The following KIAA0513 variants were observed in gnomAD, a reference collection of about 807,000 sequenced individuals.
The protein encoded by KIAA0513 is uncharacterized protein KIAA0513.
In KIAA0513, 39 loss-of-function variants were observed where a neutral mutation model predicts 56.5. That is an observed-to-expected ratio of 0.69 (90% CI 0.53 to 0.90). KIAA0513 has a LOEUF of 0.90. Ranked by LOEUF, KIAA0513 falls within the 40% of genes least tolerant of loss-of-function variation. KIAA0513 has a pLI of 0.00. For synonymous variants in KIAA0513, 268 were observed against 215.6 expected (o/e 1.24, Z -2.13); for missense variants, 591 against 535.2 (o/e 1.10, Z -1.03).
chr16:85,040,417 C>A (rs530719101), intron 1 of KIAA0513, among the ~76,000 whole-genome samples: 3 of 152,166 alleles, frequency 2.0e-5, no homozygotes, highest in Non-Finnish European at 4.4e-5. Context: ...GTAATCCCAA[C>A]TACTCGGGAG....
rs565832233 is a variant in KIAA0513 at position 85,039,418 on chromosome 16, T to C, written c.-173+11560T>C. Among the ~76,000 whole-genome samples the C allele has an allele frequency of 1.8e-3, 281 of 152,312 alleles. 2 individuals are homozygous for C. The highest frequency in any genetic ancestry group is 6.4e-3 in the African/African-American group (265 of 41,578). Reference sequence around the variant, plus strand: ...CCTGGGATGAAGTGATCCTCCTGCATCAACCTCCTGAGTAACTGGGACCAT... The same window carrying C: ...CCTGGGATGAAGTGATCCTCCTGCACCAACCTCCTGAGTAACTGGGACCAT... On this transcript the variant is annotated intron_variant, in intron 1 of 12. Transcript: ENST00000683363.
intron 1 of KIAA0513, among the ~76,000 whole-genome samples, chr16:85,033,447 G>A (rs1198084957): frequency 5.3e-5 from 8 of 152,198 alleles, no homozygotes; most frequent in Admixed American, 2.6e-4. Flanking sequence ...GCTCATCGGC[G>A]TCCAGCAGTG....
At chr16:85,075,710 A>T (rs1175854210) in intron 4 of KIAA0513, 134 bp from the exon 5 acceptor site, 6 of 722,404 alleles carry the variant, frequency 8.3e-6, no homozygotes, top group Non-Finnish European at 1.5e-5. Flanking sequence ...ACTTGGGGAG[A>T]TTGTTTTGTG....
chr16:85,079,143 G>A, intron 8 of KIAA0513, 140 bp downstream of exon 8: 1 of 1,496,358 alleles, frequency 6.7e-7, no homozygotes, highest in Non-Finnish European at 8.9e-7. Flanking sequence ...ATAAAAAGAT[G>A]AACACTCACA....
rs2073852973 is a variant in KIAA0513, at chr16:85,090,085, C to T, written c.*1760C>T. ...GGGGAGTTGTGCAGGCTGGGGTGACCCTTCCCCCATCATTGGGCCCCAACG... is the reference window on the plus strand; with the variant it reads ...GGGGAGTTGTGCAGGCTGGGGTGACTCTTCCCCCATCATTGGGCCCCAACG... On this transcript the variant is annotated 3_prime_UTR_variant, in exon 13 of 13. Transcript: ENST00000683363. 1 of 151,966 alleles carries T rather than the reference C, an allele frequency of 6.6e-6. No individual in the cohort carries two copies. The highest frequency in any genetic ancestry group is 6.6e-5 in the Admixed American group (1 of 15,262). 9.4% of individuals were successfully genotyped at this position (151,966 alleles called of 1,614,324 possible).
At chr16:85,032,524 G>T (rs1310590957) in intron 1 of KIAA0513, among the ~76,000 whole-genome samples, 8 of 152,090 alleles carry the variant, frequency 5.3e-5, no homozygotes, top group Admixed American at 5.2e-4. Context: ...GTAGACATGG[G>T]GTTTCGCCAT....
chr16:85,055,589 T>C (rs11642445), intron 1 of KIAA0513, among the ~76,000 whole-genome samples: 72,591 of 152,036 alleles, frequency 0.48, 19,262 homozygotes, highest in African/African-American at 0.72. Flanking sequence ...GCACCAGCTC[T>C]TGACCTCAGC....
At chr16:85,074,059 C>T (rs2073619424) in intron 4 of KIAA0513, among the ~76,000 whole-genome samples, 1 of 152,046 alleles carries the variant, frequency 6.6e-6, no homozygotes, top group Non-Finnish European at 1.5e-5. Flanking sequence ...ACTGCAACCT[C>T]CGCCTCCCGG....
Position 85,031,661 on chromosome 16 carries a change from C to G in KIAA0513, c.-173+3803C>G, listed in dbSNP as rs535075456. ...CCTTCTTCCTGTGCCTTCCGTGTGC[C>G]AAGATGACTCTGCCTCAGGACCTTT... On this transcript the variant is annotated intron_variant, in intron 1 of 12. Transcript: ENST00000683363. Among the ~76,000 whole-genome samples, 7 of 152,304 alleles carry G rather than the reference C, an allele frequency of 4.6e-5. No homozygotes were observed. In the South Asian group the frequency reaches 1.5e-3, roughly 32 times the overall value.
chr16:85,048,132 G>C (rs1055513540), intron 1 of KIAA0513, among the ~76,000 whole-genome samples: 4 of 152,166 alleles, frequency 2.6e-5, no homozygotes, highest in African/African-American at 9.7e-5. Flanking sequence ...GAATGATTAG[G>C]TGAGAGTGAG....
intron 1 of KIAA0513, chr16:85,063,759 C>CT (rs1392215116): frequency 6.6e-6 from 1 of 152,164 alleles, no homozygotes; most frequent in Admixed American, 6.5e-5. Flanking sequence ...TTTCTACATT[C>CT]TTTCCCATCG....
chr16:85,060,101 C>CA (rs1397961306), intron 1 of KIAA0513, among the ~76,000 whole-genome samples: 1 of 152,198 alleles, frequency 6.6e-6, no homozygotes, highest in Non-Finnish European at 1.5e-5. Flanking sequence ...GCTAGGATTA[C>CA]AGGCATGCAC....
chr16:85,084,429 C>CTTTTTT lies in KIAA0513; in HGVS notation c.1010+1848_1010+1853dup, dbSNP rs34048494. Among the ~76,000 whole-genome samples, 142 of 53,984 alleles carry CTTTTTT rather than the reference C, an allele frequency of 2.6e-3. 4 individuals are homozygous for CTTTTTT. The highest frequency in any genetic ancestry group is 0.011 in the African/African-American group (134 of 12,292). The allele number at this position is 53,984 out of a possible 152,430, so 35.4% of individuals were successfully genotyped here. A position where few individuals can be genotyped will look rare whatever the true frequency, so the allele number is the denominator to read the frequency against. Reference sequence around the variant, plus strand: ...CGTGGCTAATTTTTCTTTTCGTTCTCTTTTTTTTTTTTTTTTTGAGATGGA... The same window carrying CTTTTTT: ...CGTGGCTAATTTTTCTTTTCGTTCTCTTTTTTTTTTTTTTTTTTTTTTTGAGATGGA... On this transcript the variant is annotated intron_variant, in intron 10 of 12. Transcript: ENST00000683363.
At chr16:85,062,529 G>A (rs960235917) in intron 1 of KIAA0513, among the ~76,000 whole-genome samples, 10 of 152,160 alleles carry the variant, frequency 6.6e-5, no homozygotes, top group African/African-American at 2.2e-4. Context: ...CCAAAAACAC[G>A]GTTTCTCAGA....
rs575616405 is a variant in KIAA0513 at position 85,031,388 on chromosome 16, G to A, written c.-173+3530G>A. ...AATCCCAGCTACTAGGGAGGCTGGG[G>A]TGGGAGGATCAGTTGAGCCCCAGAG... On this transcript the variant is annotated intron_variant, in intron 1 of 12. Coordinates refer to ENST00000683363, the MANE Select transcript of KIAA0513 (RefSeq NM_001388359.1). 6.6e-5 allele frequency among the ~76,000 whole-genome samples: 10 copies of A among 152,324 alleles called. No homozygotes were observed. The Middle Eastern group carries it at 0.01, about 155-fold the overall frequency.
rs562833816 is a variant in KIAA0513 at position 85,087,182 on chromosome 16, G to A, written c.1186+16G>A. The A allele has an allele frequency of 6.8e-6, 11 of 1,607,864 alleles. No homozygotes were observed. Among genetic ancestry groups the A allele is most frequent in the Non-Finnish European group, 1.7e-6 (2 of 1,174,440 alleles). ...CTGGATGAAGGTGCGTCTGGGGGAG[G>A]CTGCTGGCAGGAGGCGGGCAGGGCT... is the stretch of plus-strand genomic sequence containing the variant. On this transcript the variant is annotated intron_variant, in intron 12 of 12. Transcript: ENST00000683363.
intron 1 of KIAA0513, among the ~76,000 whole-genome samples, chr16:85,060,141 A>G (rs2143971253): frequency 6.6e-6 from 1 of 152,118 alleles, no homozygotes; most frequent in South Asian, 2.1e-4. Flanking sequence ...TTGTATTTTT[A>G]ATAGAGACGG....
chr16:85,044,313 AGT>A (rs1414732283), intron 1 of KIAA0513, among the ~76,000 whole-genome samples: 1 of 151,988 alleles, frequency 6.6e-6, no homozygotes, highest in Admixed American at 6.6e-5. Context: ...AGGCATGTCG[AGT>A]GTCCCCTGTG....
At chr16:85,080,824 TG>T (rs780903252) in intron 8 of KIAA0513, among the ~76,000 whole-genome samples, 17 of 152,270 alleles carry the variant, frequency 1.1e-4, no homozygotes, top group East Asian at 5.8e-4. Context: ...AAAATAAGAA[TG>T]TTTTTTTCCT....
Sources: allele counts gnomAD v4.1 joint callset (sites outside exome capture counted in the v4.1 genomes callset), GRCh38; gene constraint gnomAD v4.1.1; transcripts MANE v1.5; gene names NCBI Gene and HGNC (gene_info 2026-07-23, HGNC 2026-07-21).